The following FAT1 variants were observed in gnomAD, a reference collection of about 807,000 sequenced individuals.
FAT1 encodes FAT atypical cadherin 1.
In FAT1, 171 loss-of-function variants were observed where a neutral mutation model predicts 329.8. The observed-to-expected ratio is 0.52, with a 90% CI of 0.46 to 0.59. The LOEUF (loss-of-function observed/expected upper bound fraction) is 0.59. Among genes scored for constraint, FAT1 ranks in the 20% least tolerant of loss-of-function variants. The probability of loss-of-function intolerance (pLI) is 0.00; values close to 1 mark genes in which losing one functional copy is unlikely to be tolerated. For missense variants in FAT1, 5,672 were observed against 5,774.4 expected (o/e 0.98, Z 0.57); for synonymous variants, 2,233 against 2,228.6 (o/e 1.00, Z -0.06).
intron 3 of FAT1, among the ~76,000 whole-genome samples, chr4:186,662,199 G>T (rs1742208690): frequency 6.6e-6 from 1 of 151,182 alleles, no homozygotes; most frequent in African/African-American, 2.4e-5. Flanking sequence ...CCACTAGAGA[G>T]GCATACATAC....
chr4:186,647,407 A>T (rs1244429822), intron 3 of FAT1, among the ~76,000 whole-genome samples: 1 of 152,216 alleles, frequency 6.6e-6, no homozygotes, highest in Non-Finnish European at 1.5e-5. Flanking sequence ...CTAAATGCAA[A>T]GCTGAGATTT....
intron 2 of FAT1, 145 bp downstream of exon 2, chr4:186,706,418 G>A (rs533976872): frequency 5.1e-5 from 42 of 817,944 alleles, no homozygotes; most frequent in East Asian, 3.0e-4. Flanking sequence ...TACAGCAGCC[G>A]GGCCAAAAAA....
chr4:186,645,718 G>A (rs1308194368), intron 3 of FAT1, among the ~76,000 whole-genome samples: 1 of 151,668 alleles, frequency 6.6e-6, no homozygotes, highest in African/African-American at 2.4e-5. Context: ...GGCCAAGGCA[G>A]GTGAATCACT....
chr4:186,612,527 T>G (rs1361501660), intron 13 of FAT1, among the ~76,000 whole-genome samples: 2 of 152,208 alleles, frequency 1.3e-5, no homozygotes, highest in Non-Finnish European at 2.9e-5. Context: ...GGATTTCAGA[T>G]TTTTGGAGTT....
chr4:186,687,134 T>G (rs1013733270), intron 2 of FAT1, among the ~76,000 whole-genome samples: 1 of 152,108 alleles, frequency 6.6e-6, no homozygotes, highest in African/African-American at 2.4e-5. Context: ...AAAAGGTAAG[T>G]TAAATCAGAG....
In FAT1 at chr4:186,588,129, T is replaced by TAAA. The variant is rs11339670; in HGVS notation, c.*460_*462dup. 2.5e-5 allele frequency: 5 copies of TAAA among 203,930 alleles called. No homozygotes were observed. Among genetic ancestry groups the TAAA allele is most frequent in the African/African-American group, 1.2e-4 (5 of 42,582 alleles). 12.6% of individuals were successfully genotyped at this position (203,930 alleles called of 1,614,324 possible). A position where few individuals can be genotyped will look rare whatever the true frequency, so the allele number is the denominator to read the frequency against. On this transcript the variant is annotated 3_prime_UTR_variant, in exon 27 of 27. Coordinates refer to ENST00000441802, the MANE Select transcript of FAT1 (RefSeq NM_005245.4). ...AGACAGAATGAAACCCTGGTTATAG[T>TAAA]AAAAAAAAAAAAATCAGGGTGCTAG...
At chr4:186,719,471 C>G (rs532393679) in intron 1 of FAT1, among the ~76,000 whole-genome samples, 1 of 152,324 alleles carries the variant, frequency 6.6e-6, no homozygotes, top group South Asian at 2.1e-4. Flanking sequence ...CAAGGGACAA[C>G]TATATAGACT....
At chr4:186,609,097 C>T (rs1739271949) in intron 16 of FAT1, 86 bp downstream of exon 16, 2 of 1,507,066 alleles carry the variant, frequency 1.3e-6, no homozygotes, top group Non-Finnish European at 1.8e-6. Flanking sequence ...CCTGCTCACA[C>T]CACGCCCAGC....
At chr4:186,709,905 C>T (rs1319596449) in intron 1 of FAT1, 60 bp from the exon 2 acceptor site, 3 of 1,416,980 alleles carry the variant, frequency 2.1e-6, no homozygotes, top group East Asian at 2.5e-5. Context: ...AAAGTGTGTA[C>T]ATTGTTTTAA....
At chr4:186,701,268 C>G (rs940108102) in intron 2 of FAT1, among the ~76,000 whole-genome samples, 1 of 152,130 alleles carries the variant, frequency 6.6e-6, no homozygotes, top group African/African-American at 2.4e-5. Flanking sequence ...TGTTACCACG[C>G]CCTGCTTGAC....
intron 7 of FAT1, among the ~76,000 whole-genome samples, chr4:186,632,710 A>C (rs767575849): frequency 2.1e-4 from 32 of 152,202 alleles, no homozygotes; most frequent in Admixed American, 1.0e-3. Context: ...ATTAATCGAA[A>C]AGACATCACC....
chr4:186,608,412 T>C (rs561846484), intron 16 of FAT1, among the ~76,000 whole-genome samples: 1 of 152,226 alleles, frequency 6.6e-6, no homozygotes, highest in East Asian at 1.9e-4. Context: ...TTTTTTATTG[T>C]TTTTCTTTCT....
chr4:186,637,350 A>G (rs1295241088), intron 4 of FAT1, among the ~76,000 whole-genome samples: 1 of 152,214 alleles, frequency 6.6e-6, no homozygotes, highest in African/African-American at 2.4e-5. Flanking sequence ...AAATTTCCAT[A>G]TATCATGTTA....
In FAT1 at chr4:186,706,625, T is replaced by C. The variant is rs1561006378; in HGVS notation, c.3203A>G (p.Glu1068Gly). 1.9e-6 allele frequency: 3 copies of C among 1,613,942 alleles called. No homozygotes were observed. Among genetic ancestry groups the C allele is most frequent in the Middle Eastern group, 3.3e-4 (2 of 6,060 alleles). ...AHDEDARRDG[E>G]IRYSIRDGSG... ...GCCATCTCTAATGGAGTATCGGATC[T>C]CCCCATCTCTTCTGGCGTCCTCATC... The change falls in exon 2 of 27, where the codon GAG becomes GGG. Residue 1068 changes from glutamate to glycine, a missense_variant. By Grantham distance (98) the Glu-to-Gly change is moderately conservative. Coordinates refer to ENST00000441802, the MANE Select transcript of FAT1 (RefSeq NM_005245.4).
At position 186,645,422 on chromosome 4, in the gene FAT1, T is replaced by TCTCTAA. The variant is rs1420963668; in HGVS notation, c.3581-5640_3581-5639insTTAGAG. ...ATATATATATATATATATATATATA[T>TCTCTAA]GCCTGTAAAAAACTGAGATATATCC... On this transcript the variant is annotated intron_variant, in intron 3 of 26. Coordinates refer to ENST00000441802, the MANE Select transcript of FAT1 (RefSeq NM_005245.4). 1.9e-3 allele frequency among the ~76,000 whole-genome samples: 110 copies of TCTCTAA among 58,000 alleles called. 6 individuals are homozygous for TCTCTAA. The highest frequency in any genetic ancestry group is 7.9e-3 in the African/African-American group (106 of 13,442). The allele number at this position is 58,000 out of a possible 152,430, so 38.1% of individuals were successfully genotyped here. A position where few individuals can be genotyped will look rare whatever the true frequency, so the allele number is the denominator to read the frequency against.
chr4:186,649,732 G>A (rs1275968286), intron 3 of FAT1, among the ~76,000 whole-genome samples: 3 of 152,060 alleles, frequency 2.0e-5, no homozygotes, highest in Non-Finnish European at 4.4e-5. Flanking sequence ...CCAGAACCGC[G>A]ACAGAATCCA....
intron 2 of FAT1, among the ~76,000 whole-genome samples, chr4:186,703,734 C>T (rs1017637622): frequency 7.9e-5 from 12 of 152,342 alleles, no homozygotes; most frequent in African/African-American, 2.4e-4. Context: ...GCCGGGTGCA[C>T]GCCAAGGCAC....
chr4:186,611,078 T>C (rs1186607831), intron 14 of FAT1, among the ~76,000 whole-genome samples: 1 of 152,186 alleles, frequency 6.6e-6, no homozygotes, highest in Non-Finnish European at 1.5e-5. Context: ...CCTATTCTTA[T>C]CTTTACTAAC....
chr4:186,717,993 C>A (rs1745294294), intron 1 of FAT1, among the ~76,000 whole-genome samples: 1 of 152,174 alleles, frequency 6.6e-6, no homozygotes, highest in Non-Finnish European at 1.5e-5. Context: ...TAAATGACAT[C>A]TTGGCAGAGT....
Sources: gnomAD v4.1 joint callset for allele counts (sites outside exome capture counted in the v4.1 genomes callset) on GRCh38, gnomAD v4.1.1 for gene constraint, MANE v1.5 for transcripts, NCBI Gene and HGNC (gene_info 2026-07-23, HGNC 2026-07-21) for gene names.